BCOR: variants seen among roughly 807,000 people sequenced by gnomAD.
The protein encoded by BCOR is BCL6 corepressor.
Under a neutral mutation model 86.7 loss-of-function variants are expected in BCOR, and 10 were observed. The observed-to-expected ratio is 0.12, with a 90% CI of 0.07 to 0.20. BCOR has a LOEUF of 0.20. Among genes scored for constraint, BCOR ranks in the 10% least tolerant of loss-of-function variants. The pLI, the probability that BCOR is intolerant of heterozygous loss-of-function variation, is 1.00. For missense variants in BCOR, 1,259 were observed against 1,452.1 expected (o/e 0.87, Z 2.16); for synonymous variants, 611 against 609.0 (o/e 1.00, Z -0.05).
intron 6 of BCOR, among the ~76,000 whole-genome samples, chrX:40,065,065 C>G (rs760345348): frequency 8.9e-6 from 1 of 111,905 alleles, no homozygotes; most frequent in Admixed American, 9.4e-5. Context: ...TGTCATCTAT[C>G]GAAGGGATAA....
intron 1 of BCOR, among the ~76,000 whole-genome samples, chrX:40,081,117 CTT>C (rs1936089173): frequency 8.9e-6 from 1 of 111,800 alleles, no homozygotes; most frequent in East Asian, 2.8e-4. Context: ...AAGCTAAAGA[CTT>C]TTAACTCTTC....
intron 1 of BCOR, among the ~76,000 whole-genome samples, chrX:40,083,786 G>A (rs781109058): frequency 8.9e-6 from 1 of 112,249 alleles, no homozygotes; most frequent in Admixed American, 9.2e-5. Flanking sequence ...CCCCCGCCAG[G>A]CCTTCCAGGA....
intron 1 of BCOR, among the ~76,000 whole-genome samples, chrX:40,087,999 A>G (rs993674570): frequency 2.7e-5 from 3 of 112,341 alleles, no homozygotes; most frequent in Admixed American, 9.4e-5. Flanking sequence ...AGCTATTTCA[A>G]GTTTGCATTT....
At chrX:40,133,311 T>C (rs1162857321) in intron 1 of BCOR, among the ~76,000 whole-genome samples, 8 of 110,131 alleles carry the variant, frequency 7.3e-5, no homozygotes, top group African/African-American at 9.9e-5. Flanking sequence ...CTCATTTTTG[T>C]ATTTTTAGTA....
At chrX:40,149,403 G>A (rs1293656788) in intron 1 of BCOR, among the ~76,000 whole-genome samples, 2 of 111,279 alleles carry the variant, frequency 1.8e-5, no homozygotes, top group East Asian at 2.8e-4. Flanking sequence ...ATCCTGCTTC[G>A]GGAACACAAC....
chrX:40,055,812 C>A (rs549807536), intron 11 of BCOR, among the ~76,000 whole-genome samples: 96 of 81,100 alleles, frequency 1.2e-3, no homozygotes, highest in Admixed American at 4.2e-3. Context: ...CCAAATCTAT[C>A]CTTTTTTTGC....
intron 1 of BCOR, among the ~76,000 whole-genome samples, chrX:40,134,131 G>T (rs186505222): frequency 1.4e-3 from 152 of 106,570 alleles, no homozygotes; most frequent in African/African-American, 5.0e-3. Flanking sequence ...AGGGGCTGAG[G>T]CTCCCTCCCA....
At chrX:40,071,455 A>C (rs772277134) in intron 5 of BCOR, among the ~76,000 whole-genome samples, 182 bp downstream of exon 5, 2 of 112,417 alleles carry the variant, frequency 1.8e-5, no homozygotes, top group African/African-American at 6.4e-5. Flanking sequence ...TTTTGAAGGT[A>C]AATAAAACAA....
intron 6 of BCOR, among the ~76,000 whole-genome samples, chrX:40,070,321 C>T (rs962010613): frequency 1.2e-4 from 13 of 112,306 alleles, no homozygotes; most frequent in African/African-American, 3.9e-4. Flanking sequence ...TCTTAGCACC[C>T]TAGAAGACTC....
intron 1 of BCOR, among the ~76,000 whole-genome samples, chrX:40,120,725 G>C (rs972120947): frequency 6.3e-5 from 7 of 111,983 alleles, no homozygotes; most frequent in Non-Finnish European, 1.3e-4. Context: ...ACCTGTCCTC[G>C]GGGTACTTGT....
chrX:40,148,335 C>T (rs1040489391), intron 1 of BCOR, among the ~76,000 whole-genome samples: 1 of 111,758 alleles, frequency 8.9e-6, no homozygotes, highest in African/African-American at 3.3e-5. Flanking sequence ...AACCCAGGGC[C>T]GCAGCTACCG....
At chrX:40,161,825 T>C (rs974945647) in intron 1 of BCOR, among the ~76,000 whole-genome samples, 2 of 112,160 alleles carry the variant, frequency 1.8e-5, no homozygotes, top group African/African-American at 6.5e-5. Flanking sequence ...GTTAGGGTCT[T>C]GCACTCAAAC....
chrX:40,078,779 C>T (rs1008800883), intron 1 of BCOR, among the ~76,000 whole-genome samples: 19 of 111,865 alleles, frequency 1.7e-4, no homozygotes, highest in Admixed American at 1.4e-3. Flanking sequence ...TTCCACGTTC[C>T]GGGAGCGGGA....
intron 1 of BCOR, among the ~76,000 whole-genome samples, chrX:40,111,279 A>G (rs1258710676): frequency 9.0e-6 from 1 of 111,270 alleles, no homozygotes; most frequent in African/African-American, 3.3e-5. Context: ...TGCTTGAAGC[A>G]TCACCCATCT....
At chrX:40,068,073 TACC>T (rs1171102550) in intron 6 of BCOR, 1 of 111,983 alleles carries the variant, frequency 8.9e-6, no homozygotes, top group Non-Finnish European at 1.9e-5. Context: ...CTACACCGTC[TACC>T]ACTTTCTCCT....
At chrX:40,104,459 G>T (rs1336730876) in intron 1 of BCOR, among the ~76,000 whole-genome samples, 1 of 111,779 alleles carries the variant, frequency 8.9e-6, no homozygotes, top group Non-Finnish European at 1.9e-5. Flanking sequence ...GGAAGACTTT[G>T]TCGAGGAAGG....
intron 1 of BCOR, among the ~76,000 whole-genome samples, chrX:40,080,989 GCACA>G (rs113541819): frequency 3.7e-5 from 4 of 107,077 alleles, no homozygotes; most frequent in African/African-American, 1.4e-4. Context: ...ACACACACGC[GCACA>G]CACACACACA....
intron 1 of BCOR, among the ~76,000 whole-genome samples, chrX:40,084,048 G>A (rs1424288656): frequency 3.6e-5 from 4 of 112,124 alleles, no homozygotes; most frequent in Non-Finnish European, 7.5e-5. Context: ...CATCGTTCTG[G>A]GTTCCCTTCC....
chrX:40,139,516 C>A (rs1937867758), intron 1 of BCOR, among the ~76,000 whole-genome samples: 3 of 55,706 alleles, frequency 5.4e-5, no homozygotes, highest in South Asian at 1.3e-3. Context: ...TTTTTTTAAG[C>A]ATCAGCCTTA....
Sources: gnomAD v4.1 joint callset for allele counts (sites outside exome capture counted in the v4.1 genomes callset) on GRCh38, gnomAD v4.1.1 for gene constraint, MANE v1.5 for transcripts, NCBI Gene and HGNC (gene_info 2026-07-23, HGNC 2026-07-21) for gene names.